The following CNBD1 variants were observed in gnomAD, a reference collection of about 807,000 sequenced individuals.
The protein encoded by CNBD1 is cyclic nucleotide binding domain containing 1.
CNBD1 carries 71 observed loss-of-function variants against 54.4 expected under a neutral mutation model. The ratio of observed to expected loss-of-function variants is 1.30; its 90% confidence interval spans 1.08 to 1.59. The LOEUF (loss-of-function observed/expected upper bound fraction) is 1.59, where lower values mean the gene tolerates loss of function less well. CNBD1 is among the 40% of genes most tolerant of loss of function. CNBD1 has a pLI of 0.00. For synonymous variants in CNBD1, 182 were observed against 170.7 expected (o/e 1.07, Z -0.51); for missense variants, 659 against 518.0 (o/e 1.27, Z -2.64).
intron 4 of CNBD1, among the ~76,000 whole-genome samples, chr8:86,994,469 G>A (rs986434332): frequency 3.9e-5 from 6 of 152,216 alleles, no homozygotes; most frequent in Non-Finnish European, 7.3e-5. Flanking sequence ...GGAATCCTGG[G>A]GGATAGGGTG....
chr8:86,882,888 G>A (rs1437775366), intron 1 of CNBD1, among the ~76,000 whole-genome samples: 13 of 152,214 alleles, frequency 8.5e-5, no homozygotes, highest in South Asian at 4.2e-4. Context: ...GATGGATTTC[G>A]AGGCCATCAT....
At chr8:87,347,441 T>C (rs571152088) in intron 8 of CNBD1, among the ~76,000 whole-genome samples, 62 of 152,248 alleles carry the variant, frequency 4.1e-4, no homozygotes, top group African/African-American at 1.4e-3. Flanking sequence ...TGCATCCTAA[T>C]GGCTAGAAAA....
intron 4 of CNBD1, among the ~76,000 whole-genome samples, chr8:87,158,673 A>G (rs187373254): frequency 8.5e-5 from 13 of 152,256 alleles, no homozygotes; most frequent in African/African-American, 2.9e-4. Context: ...AGAGACAGAC[A>G]TGTCTGTGGT....
At chr8:86,937,101 A>G (rs1586147329) in intron 3 of CNBD1, among the ~76,000 whole-genome samples, 1 of 152,208 alleles carries the variant, frequency 6.6e-6, no homozygotes, top group African/African-American at 2.4e-5. Flanking sequence ...ACAGTTCCAC[A>G]TGGCTGAGGT....
intron 4 of CNBD1, among the ~76,000 whole-genome samples, chr8:87,082,689 A>T (rs1047977516): frequency 6.6e-6 from 1 of 152,008 alleles, no homozygotes; most frequent in African/African-American, 2.4e-5. Flanking sequence ...ATTCAATCAG[A>T]TAATCTCTGT....
At chr8:87,285,385 C>T (rs1171388931) in intron 7 of CNBD1, among the ~76,000 whole-genome samples, 1 of 151,988 alleles carries the variant, frequency 6.6e-6, no homozygotes, top group Non-Finnish European at 1.5e-5. Context: ...TAATCAAATC[C>T]AAATTTTTTC....
At chr8:87,197,471 T>C (rs904607347) in intron 4 of CNBD1, among the ~76,000 whole-genome samples, 9 of 152,164 alleles carry the variant, frequency 5.9e-5, no homozygotes, top group Non-Finnish European at 1.0e-4. Flanking sequence ...TACCAGAGTG[T>C]AGCCTGGGAA....
chr8:86,955,876 T>C (rs28836227), intron 4 of CNBD1, among the ~76,000 whole-genome samples: 1,568 of 152,328 alleles, frequency 0.01, 29 homozygotes, highest in African/African-American at 0.036. Context: ...TGCCATTGCT[T>C]TTGGTGTTTT....
intron 4 of CNBD1, among the ~76,000 whole-genome samples, chr8:87,053,381 T>C (rs1419471205): frequency 6.6e-6 from 1 of 152,224 alleles, no homozygotes; most frequent in Non-Finnish European, 1.5e-5. Context: ...CAGGGTCTGA[T>C]GATAAAAGCA....
intron 10 of CNBD1, among the ~76,000 whole-genome samples, chr8:87,364,681 T>C (rs1158352566): frequency 6.6e-6 from 1 of 151,890 alleles, no homozygotes; most frequent in Non-Finnish European, 1.5e-5. Flanking sequence ...TGTGTATTGT[T>C]CCCCTTTGTG....
At chr8:86,877,325 C>G (rs1586105205) in intron 1 of CNBD1, among the ~76,000 whole-genome samples, 1 of 152,092 alleles carries the variant, frequency 6.6e-6, no homozygotes, top group African/African-American at 2.4e-5. Context: ...TTTGCCTACA[C>G]TTTATTAGTA....
At chr8:87,094,954 G>A (rs570150419) in intron 4 of CNBD1, among the ~76,000 whole-genome samples, 10 of 152,174 alleles carry the variant, frequency 6.6e-5, no homozygotes, top group African/African-American at 2.4e-4. Flanking sequence ...CAGGAGAATC[G>A]CTTGAACCTG....
At chr8:87,364,189 C>G (rs559779555) in intron 10 of CNBD1, among the ~76,000 whole-genome samples, 1 of 151,218 alleles carries the variant, frequency 6.6e-6, no homozygotes, top group African/African-American at 2.4e-5. Context: ...GAGATTATCT[C>G]AAAAAATATT....
At chr8:86,966,296 C>T (rs1467262512) in intron 4 of CNBD1, among the ~76,000 whole-genome samples, 1 of 152,182 alleles carries the variant, frequency 6.6e-6, no homozygotes, top group Non-Finnish European at 1.5e-5. Flanking sequence ...AGGGGCTCTT[C>T]CCCAACTCCC....
At chr8:87,338,619 G>GTTTT (rs71277935) in intron 8 of CNBD1, among the ~76,000 whole-genome samples, 272 of 139,986 alleles carry the variant, frequency 1.9e-3, no homozygotes, top group African/African-American at 6.5e-3. Context: ...TTTTTTCTTT[G>GTTTT]TTTTTTTTTT....
chr8:87,210,504 A>G (rs1814073940), intron 5 of CNBD1, among the ~76,000 whole-genome samples: 1 of 152,168 alleles, frequency 6.6e-6, no homozygotes, highest in South Asian at 2.1e-4. Context: ...GCTAAGGATG[A>G]AACAATGGTT....
At chr8:87,329,018 A>T (rs1231983127) in intron 8 of CNBD1, among the ~76,000 whole-genome samples, 2 of 151,466 alleles carry the variant, frequency 1.3e-5, no homozygotes, top group Non-Finnish European at 2.9e-5. Flanking sequence ...CCTTCCTAGG[A>T]GTTTTATACT....
intron 4 of CNBD1, among the ~76,000 whole-genome samples, chr8:87,112,381 G>T (rs1335078125): frequency 6.6e-6 from 1 of 152,106 alleles, no homozygotes; most frequent in African/African-American, 2.4e-5. Flanking sequence ...TGTGAATCCT[G>T]CCTTCTCTAA....
intron 6 of CNBD1, among the ~76,000 whole-genome samples, chr8:87,273,520 A>G (rs906092601): frequency 1.3e-4 from 20 of 152,008 alleles, no homozygotes; most frequent in Non-Finnish European, 2.2e-4. Context: ...TTGAGATTCA[A>G]TTCATGGTTA....
Sources: gnomAD v4.1 joint callset for allele counts (sites outside exome capture counted in the v4.1 genomes callset) on GRCh38, gnomAD v4.1.1 for gene constraint, MANE v1.5 for transcripts, NCBI Gene and HGNC (gene_info 2026-07-23, HGNC 2026-07-21) for gene names.